TRIM29: variants seen among roughly 807,000 people sequenced by gnomAD.
The protein encoded by TRIM29 is tripartite motif-containing protein 29.
A neutral mutation model predicts 57.3 loss-of-function variants in TRIM29; 52 were observed. That is an observed-to-expected ratio of 0.91 (90% CI 0.73 to 1.14). TRIM29 has a LOEUF of 1.14. Among genes scored for constraint, TRIM29 ranks in the 50% most tolerant of loss-of-function variants. TRIM29 has a pLI of 0.00. For missense variants in TRIM29, 753 were observed against 774.6 expected (o/e 0.97, Z 0.33); for synonymous variants, 319 against 316.9 (o/e 1.01, Z -0.07).
intron 4 of TRIM29, chr11:120,123,505 C>A: frequency 2.2e-6 from 1 of 454,590 alleles, no homozygotes; most frequent in Non-Finnish European, 4.4e-6. Context: ...TCGCTACTTC[C>A]GGGTTCAGTC....
At chr11:120,124,708 G>C (rs1863542837) in intron 4 of TRIM29, 1 of 152,166 alleles carries the variant, frequency 6.6e-6, no homozygotes, top group Non-Finnish European at 1.5e-5. Flanking sequence ...TGATTGTCTT[G>C]CTGAAATGGC....
chr11:120,128,759 A>T (rs1257751456), intron 1 of TRIM29: 2 of 1,535,102 alleles, frequency 1.3e-6, no homozygotes, highest in East Asian at 4.9e-5. Context: ...TGTCTTTTTA[A>T]GGGCTAAACC....
At chr11:120,128,869 G>T in intron 1 of TRIM29, 1 of 1,481,522 alleles carries the variant, frequency 6.7e-7, no homozygotes, top group Non-Finnish European at 9.0e-7. Context: ...GAGAAAGGAA[G>T]GGGATCCAGC....
chr11:120,137,822 G>C lies in TRIM29; in HGVS notation c.210C>G (p.Phe70Leu), dbSNP rs1411554370. The change falls in exon 1 of 9, where the codon TTC becomes TTG. Residue 70 changes from phenylalanine (F) to leucine (L), a missense_variant. Physicochemically the swap from Phe to Leu is conservative, Grantham distance 22. Transcript: ENST00000341846. This position sits in a 1 kb window ranked among gnomAD's most constrained non-coding sequence, Gnocchi z 6.2. ...TGGGTCGCCGCCACTCATTGCCCGC[G>C]AACAGGGCGCTCCTACCTTCCCCTG... ...LKPGEGRSALFAGNEWRRPII... is the reference protein window; with the variant it reads ...LKPGEGRSALLAGNEWRRPII... 1.9e-6 allele frequency: 3 copies of C among 1,612,538 alleles called. No homozygotes were observed. The highest frequency in any genetic ancestry group is 1.7e-6 in the Non-Finnish European group (2 of 1,180,026).
Position 120,138,021 on chromosome 11 carries a change from G to A in TRIM29, c.11C>T (p.Ala4Val). MEA[A>V]DASRSNGSSP... ...CGACCCGTTGCTCCTGGAGGCATCTGCAGCTTCCATCGCAGGGTGCTTGGC... is the reference window on the plus strand; with the variant it reads ...CGACCCGTTGCTCCTGGAGGCATCTACAGCTTCCATCGCAGGGTGCTTGGC... Residue 4 changes from alanine (A) to valine (V), a missense_variant, in exon 1 of 9, where the codon GCA becomes GTA. Ala to Val is a moderately conservative substitution (Grantham distance 64, BLOSUM62 0). Coordinates refer to ENST00000341846, the MANE Select transcript of TRIM29 (RefSeq NM_012101.4). 6.3e-7 allele frequency: 1 copy of A among 1,597,422 alleles called. No homozygotes were observed. The highest frequency in any genetic ancestry group is 1.1e-5 in the South Asian group (1 of 90,552).
intron 1 of TRIM29, chr11:120,128,899 C>G: frequency 7.0e-7 from 1 of 1,435,752 alleles, no homozygotes; most frequent in Non-Finnish European, 9.2e-7. Context: ...CCCAGCCCAG[C>G]CCAGGGAGTG....
rs141646773 is a variant in TRIM29, at chr11:120,123,714, G to A, written c.1334-659C>T. 371 of 338,344 alleles carry A rather than the reference G, an allele frequency of 1.1e-3. 2 individuals are homozygous for A. Among genetic ancestry groups the A allele is most frequent in the African/African-American group, 6.8e-3 (318 of 46,486 alleles). The allele number at this position is 338,344 out of a possible 1,614,324, so 21.0% of individuals were successfully genotyped here. A position where few individuals can be genotyped will look rare whatever the true frequency, so the allele number is the denominator to read the frequency against. On this transcript the variant is annotated intron_variant, in intron 4 of 8. Transcript: ENST00000341846. ...CATTCCTTTCTCTTTCGACTTCCCC[G>A]TCTTCTACTTTCCCTGTCCTTCCCT...
Position 120,137,015 on chromosome 11 carries a change from G to C in TRIM29, c.804+213C>G, listed in dbSNP as rs1565322334. On this transcript the variant is annotated intron_variant, in intron 1 of 8. Coordinates refer to ENST00000341846, the MANE Select transcript of TRIM29 (RefSeq NM_012101.4). This position sits in a 1 kb window ranked among gnomAD's most constrained non-coding sequence, Gnocchi z 6.2. ...CATCTAGAAAATGTCCCTGTCTCCT[G>C]AGACCTTAGGGGATTGGGGAGCAAC... Among the ~76,000 whole-genome samples, 1 of 152,300 alleles carries C rather than the reference G, an allele frequency of 6.6e-6. No homozygotes were observed. Among genetic ancestry groups the C allele is most frequent in the South Asian group, 2.1e-4 (1 of 4,820 alleles).
Position 120,123,030 on chromosome 11 carries a change from G to T in TRIM29, c.1359C>A (p.Asn453Lys). ...ENGGDHRYVN[N>K]YTNSFGGEWS... The stretch of plus-strand genomic sequence containing the variant: ...ACTCACCCCCGAAGCTGTTCGTGTA[G>T]TTGTTCACATAGCGATGGTCACCAC... The change falls in exon 5 of 9, where the codon AAC becomes AAA. Residue 453 changes from asparagine to lysine, a missense_variant. By Grantham distance (94) the Asn-to-Lys change is moderately conservative (BLOSUM62 0). Transcript: ENST00000341846. The T allele has an allele frequency of 1.2e-6, 2 of 1,614,126 alleles. No homozygotes were observed. The highest frequency in any genetic ancestry group is 1.7e-6 in the Non-Finnish European group (2 of 1,180,006).
At chr11:120,121,869 C>A (rs1315555629) in intron 5 of TRIM29, 3 of 405,300 alleles carry the variant, frequency 7.4e-6, no homozygotes, top group Non-Finnish European at 1.0e-5. Flanking sequence ...AGGGACAGGG[C>A]CAGGGCGAGG....
At chr11:120,132,221 C>T (rs1336147854) in intron 1 of TRIM29, among the ~76,000 whole-genome samples, 1 of 151,636 alleles carries the variant, frequency 6.6e-6, no homozygotes. Context: ...TTTGCCCCCG[C>T]TTCCCTCCCA....
chr11:120,123,620 C>G (rs1248532107), intron 4 of TRIM29, among the ~76,000 whole-genome samples: 1 of 152,210 alleles, frequency 6.6e-6, no homozygotes, highest in African/African-American at 2.4e-5. Flanking sequence ...AGGGGCCACT[C>G]AACTGCAGAC....
intron 1 of TRIM29, chr11:120,129,036 G>A (rs1863664139): frequency 4.2e-6 from 3 of 709,442 alleles, no homozygotes; most frequent in Non-Finnish European, 5.9e-6. Flanking sequence ...CTGTTTATGG[G>A]AAAGGGAAGG....
In TRIM29 at chr11:120,137,510, G is replaced by A. The variant is rs1300035328; in HGVS notation, c.522C>T (p.Asp174=). Residue 174 remains aspartate, a synonymous_variant, in exon 1 of 9, where the codon GAC becomes GAT. Coordinates refer to ENST00000341846, the MANE Select transcript of TRIM29 (RefSeq NM_012101.4). This position sits in a 1 kb window ranked among gnomAD's most constrained non-coding sequence, Gnocchi z 6.2. ...CCTTCTGCTTGTTGCCGATGCAGGA[G>A]TCGCACAGCACCTCCTCGGAGCCGG... ...SKSGSEEVLC[D]SCIGNKQKAV... The A allele has an allele frequency of 6.2e-7, 1 of 1,603,608 alleles. No individual in the cohort carries two copies. The highest frequency in any genetic ancestry group is 8.5e-7 in the Non-Finnish European group (1 of 1,179,940).
intron 1 of TRIM29, among the ~76,000 whole-genome samples, chr11:120,134,697 C>A (rs534855957): frequency 1.3e-5 from 2 of 152,328 alleles, no homozygotes; most frequent in Admixed American, 1.3e-4. Context: ...CTTTAGAGGA[C>A]CAGGCATTTT....
intron 6 of TRIM29, 34 bp from the exon 7 acceptor site, chr11:120,118,355 C>T: frequency 6.4e-7 from 1 of 1,554,636 alleles, no homozygotes; most frequent in Non-Finnish European, 8.8e-7. Flanking sequence ...CAGGCCCCCA[C>T]AGCTGGGAGT....
chr11:120,118,651 C>T (rs1293891231), intron 6 of TRIM29, among the ~76,000 whole-genome samples: 1 of 151,754 alleles, frequency 6.6e-6, no homozygotes, highest in African/African-American at 2.4e-5. Flanking sequence ...TTGACTTCAC[C>T]TCTGCCCTCC....
chr11:120,114,108 C>T (rs1863206430), intron 8 of TRIM29, among the ~76,000 whole-genome samples: 1 of 152,180 alleles, frequency 6.6e-6, no homozygotes, highest in African/African-American at 2.4e-5. Context: ...CCCAGCTCAG[C>T]TTCTCTGCAG....
At chr11:120,113,724 C>G in intron 8 of TRIM29, 3 of 455,818 alleles carry the variant, frequency 6.6e-6, no homozygotes, top group Non-Finnish European at 1.3e-5. Context: ...CAAAGCAGAG[C>G]CTGGACCAGG....
Sources: allele counts gnomAD v4.1 joint callset (sites outside exome capture counted in the v4.1 genomes callset), GRCh38; gene constraint gnomAD v4.1.1; non-coding constraint Gnocchi (gnomAD v3.1); transcripts MANE v1.5; gene names NCBI Gene and HGNC (gene_info 2026-07-23, HGNC 2026-07-21).